SLC39A8: variants seen among roughly 807,000 people sequenced by gnomAD.
The protein encoded by SLC39A8 is metal cation symporter ZIP8.
A neutral mutation model predicts 40.4 loss-of-function variants in SLC39A8; 15 were observed. That is an observed-to-expected ratio of 0.37 (90% CI 0.25 to 0.57). The LOEUF (loss-of-function observed/expected upper bound fraction) is 0.57, where lower values mean the gene tolerates loss of function less well. Ranked by LOEUF, SLC39A8 falls within the 20% of genes least tolerant of loss-of-function variation. The pLI is 0.75. For synonymous variants in SLC39A8, 223 were observed against 221.6 expected (o/e 1.01, Z -0.06); for missense variants, 472 against 558.8 (o/e 0.84, Z 1.57).
chr4:102,298,508 A>C (rs1733771910), intron 6 of SLC39A8, among the ~76,000 whole-genome samples: 1 of 152,076 alleles, frequency 6.6e-6, no homozygotes, highest in Non-Finnish European at 1.5e-5. Flanking sequence ...TTCTATTTTA[A>C]TTAATTGTTA....
At chr4:102,295,890 A>T (rs1412773696) in intron 6 of SLC39A8, among the ~76,000 whole-genome samples, 2 of 152,130 alleles carry the variant, frequency 1.3e-5, no homozygotes, top group Non-Finnish European at 2.9e-5. Flanking sequence ...ACAAGCTTTT[A>T]TCTGGGGAAA....
chr4:102,273,800 CA>C (rs1732484913), intron 6 of SLC39A8, among the ~76,000 whole-genome samples: 1 of 152,182 alleles, frequency 6.6e-6, no homozygotes, highest in Admixed American at 6.5e-5. Context: ...GATACCCAGG[CA>C]AACAGGGGAT....
At chr4:102,275,281 A>AAAAAAC (rs61708966) in intron 6 of SLC39A8, among the ~76,000 whole-genome samples, 46,047 of 149,658 alleles carry the variant, frequency 0.31, 7,499 homozygotes, top group South Asian at 0.37. Flanking sequence ...TGGAAAGCAA[A>AAAAAAC]AAAAACAAAA....
intron 6 of SLC39A8, among the ~76,000 whole-genome samples, chr4:102,297,917 T>C (rs1187396020): frequency 6.6e-6 from 1 of 151,690 alleles, no homozygotes; most frequent in East Asian, 1.9e-4. Flanking sequence ...GACCCTGTCC[T>C]AAAACAACAA....
At position 102,262,365 on chromosome 4, in the gene SLC39A8, T is replaced by C; in HGVS notation, c.*679A>G. ...CTATCCAGCTTTTCGTGGAATCTGG[T>C]GAAGTTTATACTTAGCGATAAGCCT... On this transcript the variant is annotated 3_prime_UTR_variant, in exon 9 of 9. Coordinates refer to ENST00000356736, the MANE Select transcript of SLC39A8 (RefSeq NM_001135146.2). 1.3e-5 allele frequency: 13 copies of C among 985,550 alleles called. No individual in the cohort carries two copies. Among genetic ancestry groups the C allele is most frequent in the Non-Finnish European group, 1.6e-5 (13 of 829,924 alleles). 61.1% of individuals were successfully genotyped at this position (985,550 alleles called of 1,614,324 possible).
rs78495412 is a variant in SLC39A8, at chr4:102,315,029, T to C, written c.382+639A>G. Among the ~76,000 whole-genome samples the C allele has an allele frequency of 1.6e-3, 246 of 152,290 alleles. 4 individuals carry two copies. In the East Asian group the frequency reaches 0.031, roughly 19 times the overall value. On this transcript the variant is annotated intron_variant, in intron 3 of 8. Transcript: ENST00000356736. ...CAAACAGACTCCCTGAACAATTGGTTTATCTCATTGGTGAAAGTGACCCTT... is the reference window on the plus strand; with the variant it reads ...CAAACAGACTCCCTGAACAATTGGTCTATCTCATTGGTGAAAGTGACCCTT...
chr4:102,344,772 G>C lies in SLC39A8; in HGVS notation c.-110C>G. 15 of 1,329,516 alleles carry C rather than the reference G, an allele frequency of 1.1e-5. No homozygotes were observed. Among genetic ancestry groups the C allele is most frequent in the Non-Finnish European group, 1.4e-5 (15 of 1,044,930 alleles). 82.4% of individuals were successfully genotyped at this position (1,329,516 alleles called of 1,614,324 possible). A position where few individuals can be genotyped will look rare whatever the true frequency, so the allele number is the denominator to read the frequency against. ...GGCGGGAGCGTCAGTGCTCGGCGCT[G>C]CTCCGAGTCAGAGGTGGCGCGGGAC... On this transcript the variant is annotated 5_prime_UTR_variant, in exon 2 of 9. Transcript: ENST00000356736.
chr4:102,256,742 C>T (rs1353674580), downstream of SLC39A8, among the ~76,000 whole-genome samples: 6 of 152,190 alleles, frequency 3.9e-5, no homozygotes, highest in East Asian at 9.6e-4. Flanking sequence ...ACACAGTCAC[C>T]TCCTCTTCCA....
chr4:102,314,332 T>C (rs1307375400), intron 3 of SLC39A8, among the ~76,000 whole-genome samples: 1 of 152,054 alleles, frequency 6.6e-6, no homozygotes, highest in Non-Finnish European at 1.5e-5. Flanking sequence ...CTGCTTCTAC[T>C]CTTGCCCCAT....
At chr4:102,258,104 G>GTTTTTTT (rs752860248), downstream of SLC39A8, among the ~76,000 whole-genome samples, 2 of 146,134 alleles carry the variant, frequency 1.4e-5, no homozygotes, top group African/African-American at 5.4e-5. Context: ...AGTGTTTTTT[G>GTTTTTTT]TTTTTTGTTT....
chr4:102,264,088 T>C (rs1409544840), intron 8 of SLC39A8, among the ~76,000 whole-genome samples: 1 of 152,232 alleles, frequency 6.6e-6, no homozygotes, highest in African/African-American at 2.4e-5. Flanking sequence ...ATGTTCTTCA[T>C]ATCATCTAGA....
At chr4:102,276,158 A>T (rs1325782613) in intron 6 of SLC39A8, among the ~76,000 whole-genome samples, 1 of 152,226 alleles carries the variant, frequency 6.6e-6, no homozygotes, top group Admixed American at 6.5e-5. Context: ...AAGGAGATTG[A>T]GACATGAAAA....
chr4:102,331,202 G>T (rs561518446), intron 2 of SLC39A8, among the ~76,000 whole-genome samples: 1 of 152,276 alleles, frequency 6.6e-6, no homozygotes, highest in South Asian at 2.1e-4. Context: ...AAGAAATGAA[G>T]GGTATTCAAA....
intron 3 of SLC39A8, among the ~76,000 whole-genome samples, chr4:102,310,028 G>GTGATCATC (rs1734355846): frequency 6.6e-6 from 1 of 151,924 alleles, no homozygotes; most frequent in African/African-American, 2.4e-5. Context: ...AATCACAAAA[G>GTGATCATC]TGATCATCTC....
intron 6 of SLC39A8, among the ~76,000 whole-genome samples, chr4:102,295,463 G>C (rs541686508): frequency 1.3e-5 from 2 of 152,070 alleles, no homozygotes; most frequent in African/African-American, 2.4e-5. Flanking sequence ...AAATAGTACA[G>C]ATTTTTGTAC....
At position 102,262,671 on chromosome 4, in the gene SLC39A8, T is replaced by G. The variant is rs550863271; in HGVS notation, c.*373A>C. 6.0e-6 allele frequency: 6 copies of G among 993,042 alleles called. No homozygotes were observed. In the South Asian group the frequency reaches 1.9e-4, roughly 31 times the overall value. 61.5% of individuals were successfully genotyped at this position (993,042 alleles called of 1,614,324 possible). A position where few individuals can be genotyped will look rare whatever the true frequency, so the allele number is the denominator to read the frequency against. ...TCTCTGAAACCATTTGAATCTTTGA[T>G]CCTACCATAGAGTTTTAAAGGCTTT... On this transcript the variant is annotated 3_prime_UTR_variant, in exon 9 of 9. Transcript: ENST00000356736.
intron 2 of SLC39A8, among the ~76,000 whole-genome samples, chr4:102,337,417 G>A (rs1735721138): frequency 6.6e-6 from 1 of 152,082 alleles, no homozygotes; most frequent in Admixed American, 6.5e-5. Flanking sequence ...CTCCCACCCA[G>A]ATGAGAGAAC....
At chr4:102,281,359 G>A (rs1305446003) in intron 6 of SLC39A8, among the ~76,000 whole-genome samples, 3 of 152,162 alleles carry the variant, frequency 2.0e-5, no homozygotes, top group Non-Finnish European at 4.4e-5. Flanking sequence ...ATGGGATGCC[G>A]TGGAGAAACC....
intron 2 of SLC39A8, among the ~76,000 whole-genome samples, chr4:102,324,903 C>T (rs1735129479): frequency 6.6e-6 from 1 of 152,170 alleles, no homozygotes; most frequent in Non-Finnish European, 1.5e-5. Flanking sequence ...TTAGGGCTCA[C>T]TGAACAATGG....
Sources: allele counts gnomAD v4.1 joint callset (sites outside exome capture counted in the v4.1 genomes callset), GRCh38; gene constraint gnomAD v4.1.1; transcripts MANE v1.5; gene names NCBI Gene and HGNC (gene_info 2026-07-23, HGNC 2026-07-21).